GRIA3: variants seen among roughly 807,000 people sequenced by gnomAD.
GRIA3 encodes the protein glutamate receptor 3.
GRIA3 carries 3 observed loss-of-function variants against 63.0 expected under a neutral mutation model. That is an observed-to-expected ratio of 0.05 (90% confidence interval 0.02 to 0.12). The LOEUF is 0.12. Among genes scored for constraint, GRIA3 ranks in the 10% least tolerant of loss-of-function variants. GRIA3 has a pLI of 1.00. For missense variants in GRIA3, 347 were observed against 700.9 expected, an observed-to-expected ratio of 0.50 and a Z score of 5.70; for synonymous variants, 274 against 257.9, an observed-to-expected ratio of 1.06 and a Z score of -0.60.
intron 3 of GRIA3, among the ~76,000 whole-genome samples, chrX:123,290,225 G>A (rs1214112395): frequency 9.0e-6 from 1 of 111,519 alleles, no homozygotes; most frequent in Admixed American, 9.5e-5. Context: ...CTAGGGTGGG[G>A]AAGACTTTGG....
intron 12 of GRIA3, among the ~76,000 whole-genome samples, chrX:123,464,116 T>TA (rs1036635184): frequency 2.7e-5 from 3 of 109,535 alleles, no homozygotes; most frequent in Non-Finnish European, 3.8e-5. Flanking sequence ...CGTTGTACAT[T>TA]AAAAAAAAGA....
chrX:123,471,398 A>G (rs1274256566), intron 13 of GRIA3, among the ~76,000 whole-genome samples: 7 of 112,322 alleles, frequency 6.2e-5, no homozygotes, highest in Non-Finnish European at 1.1e-4. Context: ...TGGCCTTAAC[A>G]TGGTTTCTAT....
At chrX:123,231,839 A>G (rs2147270724) in intron 2 of GRIA3, among the ~76,000 whole-genome samples, 1 of 111,688 alleles carries the variant, frequency 9.0e-6, no homozygotes, top group East Asian at 2.8e-4. Flanking sequence ...AGCGATCTAC[A>G]GTATATAGAG....
intron 2 of GRIA3, among the ~76,000 whole-genome samples, chrX:123,200,608 T>TAC (rs200626306): frequency 0.35 from 26,587 of 76,075 alleles, 3,449 homozygotes; most frequent in Middle Eastern, 0.5. Flanking sequence ...CACACATACA[T>TAC]ACACACACAC....
chrX:123,220,097 G>A (rs1928255204), intron 2 of GRIA3, among the ~76,000 whole-genome samples: 1 of 112,298 alleles, frequency 8.9e-6, no homozygotes, highest in Non-Finnish European at 1.9e-5. Flanking sequence ...CAGCCTCATG[G>A]GACTCACTAG....
chrX:123,221,360 A>G (rs1014102169), intron 2 of GRIA3, among the ~76,000 whole-genome samples: 2 of 112,400 alleles, frequency 1.8e-5, no homozygotes, highest in South Asian at 3.7e-4. Context: ...ATGACATAGT[A>G]CAAGGAGGTA....
chrX:123,210,137 AG>A (rs201547207), intron 2 of GRIA3, among the ~76,000 whole-genome samples: 1,528 of 104,976 alleles, frequency 0.015, 38 homozygotes, highest in African/African-American at 0.049. Context: ...ACATGCTCAA[AG>A]CTCCATATTA....
intron 11 of GRIA3, among the ~76,000 whole-genome samples, chrX:123,418,311 T>C (rs949790966): frequency 1.2e-4 from 13 of 111,787 alleles, no homozygotes; most frequent in African/African-American, 3.6e-4. Context: ...ATAAAACTTC[T>C]CAAAGAAAAC....
chrX:123,366,649 T>A (rs1169083409), intron 5 of GRIA3, among the ~76,000 whole-genome samples: 1 of 112,036 alleles, frequency 8.9e-6, no homozygotes, highest in Non-Finnish European at 1.9e-5. Flanking sequence ...GCCAAATTAT[T>A]CCAAGTAAAC....
chrX:123,317,905 A>G (rs969731904), intron 3 of GRIA3, among the ~76,000 whole-genome samples: 1 of 112,746 alleles, frequency 8.9e-6, no homozygotes, highest in Admixed American at 9.3e-5. Flanking sequence ...GAGGTTCTCC[A>G]TGAGGGTCCC....
intron 5 of GRIA3, among the ~76,000 whole-genome samples, chrX:123,384,542 T>A (rs965301686): frequency 1.9e-4 from 21 of 111,984 alleles, no homozygotes; most frequent in Non-Finnish European, 2.8e-4. Flanking sequence ...GGGGAATCAC[T>A]TGAACCCGGG....
intron 5 of GRIA3, among the ~76,000 whole-genome samples, chrX:123,364,326 A>C (rs752352513): frequency 1.8e-5 from 2 of 111,763 alleles, no homozygotes; most frequent in South Asian, 7.6e-4. Context: ...AAAAATCCAT[A>C]AACAGTCATC....
intron 5 of GRIA3, among the ~76,000 whole-genome samples, chrX:123,374,116 C>T (rs1439997985): frequency 9.0e-6 from 1 of 111,626 alleles, no homozygotes; most frequent in Non-Finnish European, 1.9e-5. Context: ...ACAGGGAATC[C>T]TTTTCCCATT....
chrX:123,204,327 T>C, intron 2 of GRIA3: 1 of 894,400 alleles, frequency 1.1e-6, no homozygotes, highest in Non-Finnish European at 1.6e-6. Flanking sequence ...GAAAGGGAAG[T>C]TCCAAAAGGT....
intron 3 of GRIA3, among the ~76,000 whole-genome samples, chrX:123,284,064 CTT>C (rs1451855131): frequency 8.9e-6 from 1 of 112,819 alleles, no homozygotes; most frequent in African/African-American, 3.2e-5. Flanking sequence ...AGGCAGCAAT[CTT>C]TGCTGTTCTG....
At chrX:123,204,780 G>T (rs1927841722) in intron 2 of GRIA3, 1 of 382,032 alleles carries the variant, frequency 2.6e-6, no homozygotes. Flanking sequence ...ACTTCCAGTT[G>T]ATTATTATTA....
rs545643308 is a variant in GRIA3, at chrX:123,327,936, C to A, written c.696+1723C>A. Among the ~76,000 whole-genome samples the A allele has an allele frequency of 1.1e-4, 12 of 111,511 alleles. No homozygotes were observed. The South Asian group carries it at 4.5e-3, about 42-fold the overall frequency. ...CTACATGCCCTCTAAAATTTTATAC[C>A]AAAATAGCCTTTTAGTGGGTGACCT... is the stretch of plus-strand genomic sequence containing the variant. On this transcript the variant is annotated intron_variant, in intron 4 of 15. Transcript: ENST00000620443.
At chrX:123,404,952 C>A in intron 10 of GRIA3, 38 bp downstream of exon 10, 2 of 939,456 alleles carry the variant, frequency 2.1e-6, no homozygotes, top group Non-Finnish European at 3.1e-6. Context: ...TTATTCTGTG[C>A]TTTCCAATTA....
chrX:123,415,934 T>C (rs1017820056), intron 10 of GRIA3, among the ~76,000 whole-genome samples: 2 of 111,753 alleles, frequency 1.8e-5, no homozygotes, highest in African/African-American at 6.5e-5. Context: ...ATAAAAGTAG[T>C]GTATAGTAGA....
Sources: gnomAD v4.1 joint callset for allele counts (sites outside exome capture counted in the v4.1 genomes callset) on GRCh38, gnomAD v4.1.1 for gene constraint, MANE v1.5 for transcripts, NCBI Gene and HGNC (gene_info 2026-07-23, HGNC 2026-07-21) for gene names.